The following CMIP variants were observed in gnomAD, a reference collection of about 807,000 sequenced individuals.
The protein encoded by CMIP is c-Maf inducing protein.
A neutral mutation model predicts 97.3 loss-of-function variants in CMIP; 13 were observed. The observed-to-expected ratio is 0.13, with a 90% CI of 0.09 to 0.21. The LOEUF is 0.21. Among genes scored for constraint, CMIP ranks in the 10% least tolerant of loss-of-function variants. CMIP has a pLI of 1.00. For synonymous variants in CMIP, 538 were observed against 436.3 expected (o/e 1.23, Z -2.91); for missense variants, 847 against 1,024.9 (o/e 0.83, Z 2.37).
At chr16:81,523,877 C>G (rs906940009) in intron 1 of CMIP, among the ~76,000 whole-genome samples, 6 of 152,250 alleles carry the variant, frequency 3.9e-5, no homozygotes, top group African/African-American at 1.2e-4. Flanking sequence ...TTGGCTCCCT[C>G]CAAACGTCAA....
At chr16:81,461,876 T>C (rs1906917313) in intron 1 of CMIP, among the ~76,000 whole-genome samples, 1 of 152,200 alleles carries the variant, frequency 6.6e-6, no homozygotes, top group African/African-American at 2.4e-5. Context: ...AATGACATGG[T>C]ATATTTATCC....
At chr16:81,594,830 G>A (rs2091526238) in intron 1 of CMIP, among the ~76,000 whole-genome samples, 1 of 137,310 alleles carries the variant, frequency 7.3e-6, no homozygotes, top group South Asian at 2.3e-4. Context: ...CGGGGTTTTA[G>A]CATGTTAGCC....
At chr16:81,480,760 C>G (rs558610488) in intron 1 of CMIP, among the ~76,000 whole-genome samples, 2 of 152,198 alleles carry the variant, frequency 1.3e-5, no homozygotes, top group African/African-American at 4.8e-5. Context: ...TTTACAGCCA[C>G]CTTGTGCAAG....
chr16:81,450,652 T>C (rs550182614), intron 1 of CMIP, among the ~76,000 whole-genome samples: 42 of 152,280 alleles, frequency 2.8e-4, no homozygotes, highest in South Asian at 1.0e-3. Context: ...GAATAGTGCA[T>C]TGGGGAAAGC....
chr16:81,619,336 C>G (rs547200152), intron 2 of CMIP: 5 of 152,258 alleles, frequency 3.3e-5, no homozygotes, highest in Non-Finnish European at 5.9e-5. Flanking sequence ...TTATGCAAGG[C>G]CAGAGATTGC....
chr16:81,463,837 T>C (rs2150740210), intron 1 of CMIP: 1 of 152,444 alleles, frequency 6.6e-6, no homozygotes, highest in East Asian at 1.9e-4. Context: ...CTGCTTTTCC[T>C]GAGACCTCAG....
chr16:81,568,305 C>A (rs2091021032), intron 1 of CMIP, among the ~76,000 whole-genome samples: 1 of 152,188 alleles, frequency 6.6e-6, no homozygotes, highest in African/African-American at 2.4e-5. Flanking sequence ...CTCTAACTTT[C>A]ACCTCTTTCT....
At chr16:81,546,906 C>T (rs1195023375) in intron 1 of CMIP, among the ~76,000 whole-genome samples, 3 of 152,222 alleles carry the variant, frequency 2.0e-5, no homozygotes, top group Non-Finnish European at 4.4e-5. Context: ...GCGTGGCGAA[C>T]AGCTCTTGTA....
rs570987770 is a variant in CMIP at position 81,514,240 on chromosome 16, T to A, written c.300+68699T>A. Among the ~76,000 whole-genome samples, 12 of 152,084 alleles carry A rather than the reference T, an allele frequency of 7.9e-5. No individual in the cohort carries two copies. The East Asian group carries it at 2.1e-3, about 27-fold the overall frequency. The stretch of plus-strand genomic sequence containing the variant: ...AGGGTAGGTGTCCCAGCCCATGCAG[T>A]TGGAGGGGTGGGGCAGGCAGGGAGG... On this transcript the variant is annotated intron_variant, in intron 1 of 20. Coordinates refer to ENST00000537098, the MANE Select transcript of CMIP (RefSeq NM_198390.3).
chr16:81,556,174 C>T (rs58605020), intron 1 of CMIP, among the ~76,000 whole-genome samples: 23,403 of 151,998 alleles, frequency 0.15, 1,956 homozygotes, highest in Middle Eastern at 0.2. Context: ...CCTGGCTGCA[C>T]GTCATCTCAT....
intron 1 of CMIP, among the ~76,000 whole-genome samples, chr16:81,547,112 C>G (rs574077138): frequency 6.6e-6 from 1 of 152,124 alleles, no homozygotes; most frequent in Admixed American, 6.5e-5. Flanking sequence ...CCTGGGCTCC[C>G]GGAGGCAGGG....
chr16:81,604,632 A>G (rs1288778235), intron 1 of CMIP, among the ~76,000 whole-genome samples: 2 of 152,250 alleles, frequency 1.3e-5, no homozygotes, highest in Non-Finnish European at 2.9e-5. Context: ...CACGGGAGGC[A>G]GAAGTTGCAG....
At chr16:81,604,125 G>A (rs2091701763) in intron 1 of CMIP, among the ~76,000 whole-genome samples, 1 of 152,204 alleles carries the variant, frequency 6.6e-6, no homozygotes. Context: ...TGGGTGTGGT[G>A]GCTCACGCCT....
At chr16:81,533,014 C>T (rs941693920) in intron 1 of CMIP, among the ~76,000 whole-genome samples, 1 of 152,138 alleles carries the variant, frequency 6.6e-6, no homozygotes, top group African/African-American at 2.4e-5. Context: ...CACACGCTCC[C>T]TCGCTTCCCT....
intron 4 of CMIP, among the ~76,000 whole-genome samples, chr16:81,653,259 C>CT (rs1449695010): frequency 6.6e-6 from 1 of 152,172 alleles, no homozygotes; most frequent in Non-Finnish European, 1.5e-5. Flanking sequence ...GGTCCTGAGT[C>CT]TCCCCCGTCA....
chr16:81,595,627 G>C (rs1332339360), intron 1 of CMIP, among the ~76,000 whole-genome samples: 2 of 152,052 alleles, frequency 1.3e-5, no homozygotes, highest in African/African-American at 2.4e-5. Context: ...GACCTCAAGT[G>C]ATCTGCCCAC....
At chr16:81,459,365 G>T (rs1274883545) in intron 1 of CMIP, among the ~76,000 whole-genome samples, 4 of 152,044 alleles carry the variant, frequency 2.6e-5, no homozygotes, top group Admixed American at 1.3e-4. Flanking sequence ...GTGACCCTGC[G>T]CTGTGACCCC....
At chr16:81,599,893 A>C (rs895479997) in intron 1 of CMIP, among the ~76,000 whole-genome samples, 2 of 152,164 alleles carry the variant, frequency 1.3e-5, no homozygotes, top group African/African-American at 2.4e-5. Context: ...CTGCTTGATG[A>C]ATGTTAACCA....
chr16:81,623,964 G>A (rs538276775), intron 3 of CMIP, among the ~76,000 whole-genome samples: 5 of 152,168 alleles, frequency 3.3e-5, no homozygotes, highest in East Asian at 1.9e-4. Flanking sequence ...TGATCACACC[G>A]TGCTTTTCTC....
Sources: gnomAD v4.1 joint callset for allele counts (sites outside exome capture counted in the v4.1 genomes callset) on GRCh38, gnomAD v4.1.1 for gene constraint, MANE v1.5 for transcripts, NCBI Gene and HGNC (gene_info 2026-07-23, HGNC 2026-07-21) for gene names.